Variants in PCDHAC2 observed in about 807,000 individuals in gnomAD.
PCDHAC2 encodes the protein protocadherin alpha subfamily C, 2, also known as protocadherin alpha-C2.
In PCDHAC2, 24 loss-of-function variants were observed where a neutral mutation model predicts 63.3. The observed-to-expected ratio is 0.38, with a 90% CI of 0.27 to 0.53. PCDHAC2 has a LOEUF of 0.53. Among genes scored for constraint, PCDHAC2 ranks in the 20% least tolerant of loss-of-function variants. PCDHAC2 has a pLI of 0.81. For missense variants in PCDHAC2, 1,181 were observed against 1,275.2 expected, an observed-to-expected ratio of 0.93 and a Z score of 1.12; for synonymous variants, 569 against 529.4, an observed-to-expected ratio of 1.07 and a Z score of -1.03.
chr5:140,995,237 T>G (rs1242320046), intron 3 of PCDHAC2, among the ~76,000 whole-genome samples: 1 of 152,148 alleles, frequency 6.6e-6, no homozygotes, highest in African/African-American at 2.4e-5. Context: ...GGGCCAGTAT[T>G]AAGTAAAATA....
At position 140,968,039 on chromosome 5, in the gene PCDHAC2, G is replaced by A. The variant is rs1016266543; in HGVS notation, c.1273G>A (p.Gly425Ser). The A allele has an allele frequency of 1.7e-5, 28 of 1,614,026 alleles. No homozygotes were observed. Among genetic ancestry groups the A allele is most frequent in the Non-Finnish European group, 1.9e-5 (23 of 1,180,028 alleles). Reference protein sequence around the residue: ...FGNSYTLVVSGPLDRERVAVY... With the variant: ...FGNSYTLVVSSPLDRERVAVY... ...AAACTCCTATACACTGGTGGTGAGC[G>A]GCCCACTGGACCGAGAGCGGGTGGC... Residue 425 changes from glycine to serine, a missense_variant, in exon 1 of 4, where the codon GGC becomes AGC. Physicochemically the swap from Gly to Ser is moderately conservative, Grantham distance 56. This residue lies in a region of PCDHAC2 where 968 missense variants were observed against 1,073.5 expected (regional missense o/e 0.90). Transcript: ENST00000289269.
Position 140,966,663 on chromosome 5 carries a change from A to C in PCDHAC2, c.-104A>C. ...TCTAGAGCGTGAGCGGTGGGGGAGC[A>C]GGCGCAGGGTGGCACGAGCGGAGGC... is the stretch of plus-strand genomic sequence containing the variant. On this transcript the variant is annotated 5_prime_UTR_variant, in exon 1 of 4. Coordinates refer to ENST00000289269, the MANE Select transcript of PCDHAC2 (RefSeq NM_018899.6). The C allele has an allele frequency of 8.1e-7, 1 of 1,237,556 alleles. No individual in the cohort carries two copies. Among genetic ancestry groups the C allele is most frequent in the East Asian group, 3.0e-5 (1 of 33,108 alleles). 76.7% of individuals were successfully genotyped at this position (1,237,556 alleles called of 1,614,324 possible).
At chr5:140,984,980 C>T (rs1206801991) in intron 3 of PCDHAC2, among the ~76,000 whole-genome samples, 1 of 152,092 alleles carries the variant, frequency 6.6e-6, no homozygotes, top group African/African-American at 2.4e-5. Context: ...CTCTGTCCCC[C>T]AGGCTGGAGT....
chr5:140,972,080 AAG>A (rs1446545098), intron 1 of PCDHAC2, among the ~76,000 whole-genome samples: 8 of 152,208 alleles, frequency 5.3e-5, no homozygotes, highest in African/African-American at 1.9e-4. Flanking sequence ...CTTTTGGAAA[AAG>A]AGTAATTTCT....
At chr5:140,986,044 G>A (rs1261726247) in intron 3 of PCDHAC2, among the ~76,000 whole-genome samples, 4 of 152,078 alleles carry the variant, frequency 2.6e-5, no homozygotes, top group African/African-American at 9.7e-5. Flanking sequence ...TGGCCTCACT[G>A]ATGAATTCTT....
chr5:141,001,749 T>C (rs1554258292), intron 3 of PCDHAC2, among the ~76,000 whole-genome samples: 1 of 152,090 alleles, frequency 6.6e-6, no homozygotes, highest in African/African-American at 2.4e-5. Flanking sequence ...GCTGTTTCAG[T>C]GGTTGATGGC....
intron 3 of PCDHAC2, among the ~76,000 whole-genome samples, chr5:140,989,525 GAGGA>G (rs2097345403): frequency 6.6e-6 from 1 of 152,218 alleles, no homozygotes; most frequent in African/African-American, 2.4e-5. Flanking sequence ...GAGGGCAGAG[GAGGA>G]AGATAGTTTG....
Position 140,969,468 on chromosome 5 carries a change from A to G in PCDHAC2, c.2565+137A>G, listed in dbSNP as rs1554231867. 18 of 1,486,304 alleles carry G rather than the reference A, an allele frequency of 1.2e-5. No individual in the cohort carries two copies. In the South Asian group the frequency reaches 2.5e-4, roughly 21 times the overall value. 92.1% of individuals were successfully genotyped at this position (1,486,304 alleles called of 1,614,324 possible). The stretch of plus-strand genomic sequence containing the variant: ...AAACTGAGTATATATAGTATCCACA[A>G]TTTGATCATAATCTGCTATTTCCTC... On this transcript the variant is annotated intron_variant, in intron 1 of 3. Transcript: ENST00000289269.
At position 140,968,492 on chromosome 5, in the gene PCDHAC2, G is replaced by A. The variant is rs2096250539; in HGVS notation, c.1726G>A (p.Ala576Thr). ...NVYVVDMNDH[A>T]PHILYPTSTN... ...ATATGTGGTGGACATGAATGACCAT[G>A]CCCCTCACATTCTGTACCCTACCTC... The change falls in exon 1 of 4, where the codon GCC becomes ACC. Residue 576 changes from alanine (A) to threonine (T), a missense_variant. Ala to Thr is a moderately conservative substitution (Grantham distance 58, BLOSUM62 0). Around this residue, in one of 3 missense-constraint regions of PCDHAC2, gnomAD observed 968 missense variants for 1,073.5 expected, o/e 0.90. Coordinates refer to ENST00000289269, the MANE Select transcript of PCDHAC2 (RefSeq NM_018899.6). The A allele has an allele frequency of 1.2e-6, 2 of 1,614,074 alleles. No homozygotes were observed. Among genetic ancestry groups the A allele is most frequent in the African/African-American group, 1.3e-5 (1 of 74,996 alleles).
intron 3 of PCDHAC2, among the ~76,000 whole-genome samples, chr5:140,986,316 C>T (rs1407067646): frequency 2.0e-5 from 3 of 152,146 alleles, no homozygotes; most frequent in African/African-American, 7.2e-5. Context: ...TTAGCTAAAT[C>T]AGGAATGCAG....
intron 3 of PCDHAC2, among the ~76,000 whole-genome samples, chr5:141,000,351 GTCTC>G (rs1554257240): frequency 3.0e-5 from 2 of 66,862 alleles, no homozygotes. Flanking sequence ...CTCTCTCTCT[GTCTC>G]TCTCTGTCTC....
Position 140,967,279 on chromosome 5 carries a change from T to A in PCDHAC2, c.513T>A (p.Ser171Arg). 6.2e-7 allele frequency: 1 copy of A among 1,613,002 alleles called. No homozygotes were observed. The highest frequency in any genetic ancestry group is 8.5e-7 in the Non-Finnish European group (1 of 1,179,620). Residue 171 changes from serine (S) to arginine (R), a missense_variant, in exon 1 of 4, where the codon AGT becomes AGA. By Grantham distance (110) the Ser-to-Arg change is moderately radical. Coordinates refer to ENST00000289269, the MANE Select transcript of PCDHAC2 (RefSeq NM_018899.6). ...CTGGAGCGCGCTTTCACATAGAGAG[T>A]GCGCAGGACCCCGACGTGGGCGCCA... ...VAPGARFHIE[S>R]AQDPDVGANS...
At chr5:140,995,698 G>T (rs963042409) in intron 3 of PCDHAC2, among the ~76,000 whole-genome samples, 1 of 152,104 alleles carries the variant, frequency 6.6e-6, no homozygotes, top group African/African-American at 2.4e-5. Context: ...TTAAATAAAG[G>T]GCTGGGCTTG....
In PCDHAC2 at chr5:140,968,881, C is replaced by A; in HGVS notation, c.2115C>A (p.Thr705=). 1 of 1,614,154 alleles carries A rather than the reference C, an allele frequency of 6.2e-7. No homozygotes were observed. The highest frequency in any genetic ancestry group is 8.5e-7 in the Non-Finnish European group (1 of 1,180,022). The part of the protein sequence containing the change: ...VKSPRTYSEI[T]LYLIIALSTV... ...GCCCTCGGACATACTCTGAAATTACCCTTTATCTAATAATAGCATTAAGCA... is the reference window on the plus strand; with the variant it reads ...GCCCTCGGACATACTCTGAAATTACACTTTATCTAATAATAGCATTAAGCA... Residue 705 remains threonine (T), a synonymous_variant, in exon 1 of 4, where the codon ACC becomes ACA. Transcript: ENST00000289269.
intron 3 of PCDHAC2, among the ~76,000 whole-genome samples, chr5:140,997,400 G>A (rs1554255862): frequency 3.3e-5 from 5 of 152,056 alleles, no homozygotes; most frequent in Admixed American, 1.3e-4. Context: ...AGGCTCTATC[G>A]TATGGCCTAT....
Position 141,009,690 on chromosome 5 carries a change from TTAAA to T in PCDHAC2, c.2780_2783del (p.Lys927ThrfsTer44). On this transcript the variant is annotated frameshift_variant, in exon 4 of 4. Transcript: ENST00000289269. LOFTEE classifies it high-confidence loss of function. ...GGTGTCAACAGCAACAGCTGGACCT[TTAAA>T]TACGGACCAGGCAACCCCAAACAAT... 6.2e-7 allele frequency: 1 copy of T among 1,614,068 alleles called. No individual in the cohort carries two copies. Among genetic ancestry groups the T allele is most frequent in the Non-Finnish European group, 8.5e-7 (1 of 1,180,024 alleles).
chr5:141,004,124 C>T (rs1225012224), intron 3 of PCDHAC2, among the ~76,000 whole-genome samples: 1 of 152,202 alleles, frequency 6.6e-6, no homozygotes, highest in Non-Finnish European at 1.5e-5. Context: ...GGAGTATCTC[C>T]ATGATTCTGC....
chr5:140,967,051 G>C lies in PCDHAC2; in HGVS notation c.285G>C (p.Thr95=). 1.2e-6 allele frequency: 2 copies of C among 1,612,562 alleles called. No individual in the cohort carries two copies. The highest frequency in any genetic ancestry group is 1.7e-6 in the Non-Finnish European group (2 of 1,179,638). Residue 95 remains threonine (T), a synonymous_variant, in exon 1 of 4, where the codon ACG becomes ACC. Transcript: ENST00000289269. ...CGCGCTACCTGGAGCTGGACCTGACGAGTGGAGCGCTCTTCGTCAACGAGC... is the reference window on the plus strand; with the variant it reads ...CGCGCTACCTGGAGCTGGACCTGACCAGTGGAGCGCTCTTCGTCAACGAGC... The part of the protein sequence containing the change: ...PSPRYLELDL[T]SGALFVNERI...
At chr5:140,981,207 T>C (rs1163326728) in intron 2 of PCDHAC2, among the ~76,000 whole-genome samples, 1 of 152,230 alleles carries the variant, frequency 6.6e-6, no homozygotes, top group Non-Finnish European at 1.5e-5. Context: ...TTGCCTCATA[T>C]AACCCCTTTA....
Sources: allele counts gnomAD v4.1 joint callset (sites outside exome capture counted in the v4.1 genomes callset), GRCh38; gene constraint gnomAD v4.1.1; regional missense constraint gnomAD v4.1.1; transcripts MANE v1.5; gene names NCBI Gene and HGNC (gene_info 2026-07-23, HGNC 2026-07-21).